GOLM1: variants seen among roughly 807,000 people sequenced by gnomAD.
The protein encoded by GOLM1 is golgi membrane protein 1.
GOLM1 carries 31 observed loss-of-function variants against 50.5 expected under a neutral mutation model. The ratio of observed to expected loss-of-function variants is 0.61; its 90% CI spans 0.46 to 0.83. The LOEUF (loss-of-function observed/expected upper bound fraction) is 0.83, where lower values mean the gene tolerates loss of function less well. Ranked by LOEUF, GOLM1 falls within the 40% of genes least tolerant of loss-of-function variation. The pLI, the probability that GOLM1 is intolerant of heterozygous loss-of-function variation, is 0.00. For synonymous variants in GOLM1, 178 were observed against 192.8 expected (o/e 0.92, Z 0.64); for missense variants, 491 against 501.3 (o/e 0.98, Z 0.20).
At chr9:86,049,180 T>C (rs1564345509) in intron 4 of GOLM1, among the ~76,000 whole-genome samples, 1 of 152,230 alleles carries the variant, frequency 6.6e-6, no homozygotes, top group Non-Finnish European at 1.5e-5. Context: ...CAGATGGTTG[T>C]AGATTTGTGG....
chr9:86,088,420 G>GTGTGCATATATATATATA (rs1157260470), intron 1 of GOLM1, among the ~76,000 whole-genome samples: 9 of 86,300 alleles, frequency 1.0e-4, no homozygotes, highest in African/African-American at 5.2e-4. Context: ...TTTGAAGGGT[G>GTGTGCATATATATATATA]TATATATATA....
At chr9:86,074,906 T>C (rs771037384) in intron 3 of GOLM1, among the ~76,000 whole-genome samples, 7 of 152,056 alleles carry the variant, frequency 4.6e-5, no homozygotes, top group African/African-American at 7.2e-5. Context: ...ATGGTTTCAA[T>C]TTGGGAGGAA....
rs576380277 is a variant in GOLM1 at position 86,077,968 on chromosome 9, G to A, written c.130-377C>T. 1.5e-3 allele frequency: 282 copies of A among 186,524 alleles called. 1 individual carries two copies. Among genetic ancestry groups the A allele is most frequent in the African/African-American group, 4.9e-3 (211 of 42,892 alleles). 11.6% of individuals were successfully genotyped at this position (186,524 alleles called of 1,614,324 possible). A position where few individuals can be genotyped will look rare whatever the true frequency, so the allele number is the denominator to read the frequency against. The stretch of plus-strand genomic sequence containing the variant: ...CAACTCTTTAGCAGATACAATTTCT[G>A]AAAACAGATTCAGTTCTCCAACTCC... On this transcript the variant is annotated intron_variant, in intron 2 of 9. Coordinates refer to ENST00000388712, the MANE Select transcript of GOLM1 (RefSeq NM_016548.4).
intron 8 of GOLM1, 165 bp downstream of exon 8, chr9:86,035,203 C>T: frequency 1.0e-6 from 1 of 985,396 alleles, no homozygotes; most frequent in Non-Finnish European, 1.2e-6. Context: ...TCCTGCCTCC[C>T]TCTTGATAAC....
chr9:86,052,925 A>T (rs1347755908), intron 3 of GOLM1, among the ~76,000 whole-genome samples: 1 of 84,444 alleles, frequency 1.2e-5, no homozygotes, highest in Non-Finnish European at 2.6e-5. Context: ...GGGCACCCAG[A>T]GGGCTAATCA....
At chr9:86,053,277 C>A (rs1833834710) in intron 3 of GOLM1, among the ~76,000 whole-genome samples, 1 of 144,446 alleles carries the variant, frequency 6.9e-6, no homozygotes, top group Non-Finnish European at 1.5e-5. Context: ...CAGACCACAC[C>A]ACACACCATT....
rs1433066274 is a variant in GOLM1 at position 86,026,923 on chromosome 9, C to T, written c.*894G>A. 2 of 984,906 alleles carry T rather than the reference C, an allele frequency of 2.0e-6. No homozygotes were observed. The highest frequency in any genetic ancestry group is 4.7e-5 in the South Asian group (1 of 21,276). 61.0% of individuals were successfully genotyped at this position (984,906 alleles called of 1,614,324 possible). A position where few individuals can be genotyped will look rare whatever the true frequency, so the allele number is the denominator to read the frequency against. On this transcript the variant is annotated 3_prime_UTR_variant, in exon 10 of 10. Transcript: ENST00000388712. ...CTTCGACATCAATGAACTTTGTTTT[C>T]TTTTACTCCAGTAATAAAGTAGGCA...
chr9:86,063,010 C>T (rs560525699), intron 3 of GOLM1, among the ~76,000 whole-genome samples: 1 of 152,266 alleles, frequency 6.6e-6, no homozygotes, highest in Non-Finnish European at 1.5e-5. Flanking sequence ...CTGGTCTGTC[C>T]CCTCTGCAGC....
Position 86,040,724 on chromosome 9 carries a change from A to C in GOLM1, c.597+15T>G. 6.2e-7 allele frequency: 1 copy of C among 1,604,362 alleles called. No homozygotes were observed. Among genetic ancestry groups the C allele is most frequent in the Non-Finnish European group, 8.5e-7 (1 of 1,177,270 alleles). On this transcript the variant is annotated intron_variant, in intron 6 of 9. Transcript: ENST00000388712. ...GGTACCTTCTAGAAACTCTTGGCAA[A>C]AATTCCCCAGTTACCTGCTGTCTCT...
chr9:86,037,119 G>A (rs1196668706), intron 6 of GOLM1, among the ~76,000 whole-genome samples: 1 of 152,196 alleles, frequency 6.6e-6, no homozygotes, highest in Non-Finnish European at 1.5e-5. Context: ...ACACAAATTA[G>A]AAAATGCTTG....
In GOLM1 at chr9:86,070,384, C is replaced by T. The variant is rs185967259; in HGVS notation, c.309+7028G>A. 4.9e-4 allele frequency among the ~76,000 whole-genome samples: 74 copies of T among 151,788 alleles called. 1 individual carries two copies. The highest frequency in any genetic ancestry group is 1.7e-3 in the African/African-American group (70 of 41,460). ...CTCAGGAGTTCAAGACCAGCCTGGC[C>T]AGGATGGTGAAACCCTGTCTCTACT... On this transcript the variant is annotated intron_variant, in intron 3 of 9. Coordinates refer to ENST00000388712, the MANE Select transcript of GOLM1 (RefSeq NM_016548.4).
At chr9:86,046,172 C>T (rs985313349) in intron 5 of GOLM1, among the ~76,000 whole-genome samples, 8 of 152,226 alleles carry the variant, frequency 5.3e-5, no homozygotes, top group Non-Finnish European at 1.0e-4. Context: ...TTAGCTCACG[C>T]ATGAGCACCT....
At chr9:86,033,242 TG>T in intron 9 of GOLM1, 39 bp downstream of exon 9, 1 of 1,107,880 alleles carries the variant, frequency 9.0e-7, no homozygotes, top group Non-Finnish European at 1.4e-6. Flanking sequence ...GAAAGAGAAA[TG>T]AAAGGTGACC....
intron 1 of GOLM1, 82 bp downstream of exon 1, chr9:86,099,316 AGGTCTCGGCGCGC>A (rs926171802): frequency 2.6e-5 from 4 of 152,360 alleles, no homozygotes; most frequent in African/African-American, 9.6e-5. Context: ...GACCGACGCG[AGGTCTCGGCGCGC>A]GGGGTACGGG....
At chr9:86,038,834 C>T (rs1255503661) in intron 6 of GOLM1, among the ~76,000 whole-genome samples, 4 of 152,034 alleles carry the variant, frequency 2.6e-5, no homozygotes, top group African/African-American at 7.2e-5. Flanking sequence ...GAACTAAGAA[C>T]GATAAAACTC....
intron 5 of GOLM1, among the ~76,000 whole-genome samples, chr9:86,045,038 T>C (rs1833489983): frequency 6.6e-6 from 1 of 152,204 alleles, no homozygotes. Flanking sequence ...TTAAAATCCC[T>C]TTTATCATCG....
At chr9:86,097,082 T>C (rs924289077) in intron 1 of GOLM1, among the ~76,000 whole-genome samples, 68 of 151,778 alleles carry the variant, frequency 4.5e-4, no homozygotes, top group Admixed American at 1.3e-3. Context: ...TTTTTTTTTT[T>C]TCCTGAAAGT....
intron 5 of GOLM1, among the ~76,000 whole-genome samples, chr9:86,041,850 G>A (rs1833362788): frequency 6.6e-6 from 1 of 152,184 alleles, no homozygotes; most frequent in Non-Finnish European, 1.5e-5. Flanking sequence ...CAGGCGCAGT[G>A]GCTCACGCCT....
chr9:86,075,404 A>G (rs1261360438), intron 3 of GOLM1, among the ~76,000 whole-genome samples: 3 of 152,236 alleles, frequency 2.0e-5, no homozygotes, highest in Non-Finnish European at 4.4e-5. Flanking sequence ...AATACCAACC[A>G]CCAGCTGCTG....
Sources: allele counts gnomAD v4.1 joint callset (sites outside exome capture counted in the v4.1 genomes callset), GRCh38; gene constraint gnomAD v4.1.1; transcripts MANE v1.5; gene names NCBI Gene and HGNC (gene_info 2026-07-23, HGNC 2026-07-21).